The following TRDN variants were observed in gnomAD, a reference collection of about 807,000 sequenced individuals.
The protein encoded by TRDN is triadin.
In TRDN, 161 loss-of-function variants were observed where a neutral mutation model predicts 149.7. The ratio of observed to expected loss-of-function variants is 1.08; its 90% CI spans 0.95 to 1.23. The LOEUF (loss-of-function observed/expected upper bound fraction) is 1.23. Ranked by LOEUF, TRDN falls within the 50% of genes most tolerant of loss-of-function variation. TRDN has a pLI of 0.00. For synonymous variants in TRDN, 294 were observed against 250.5 expected (o/e 1.17, Z -1.64); for missense variants, 896 against 823.5 (o/e 1.09, Z -1.08).
At chr6:123,311,279 A>G (rs1327652474) in intron 24 of TRDN, among the ~76,000 whole-genome samples, 1 of 151,912 alleles carries the variant, frequency 6.6e-6, no homozygotes, top group Non-Finnish European at 1.5e-5. Flanking sequence ...AGAACTTACT[A>G]TCATGAGAAT....
intron 1 of TRDN, among the ~76,000 whole-genome samples, chr6:123,620,950 C>T (rs766072989): frequency 5.9e-5 from 9 of 152,096 alleles, no homozygotes; most frequent in Admixed American, 1.3e-4. Flanking sequence ...CTCACCAGTG[C>T]CCAGGACAGC....
Position 123,533,213 on chromosome 6 carries a change from C to A in TRDN, c.425-2648G>T, listed in dbSNP as rs937986043. Among the ~76,000 whole-genome samples the A allele has an allele frequency of 2.6e-5, 4 of 151,988 alleles. No homozygotes were observed. In the South Asian group the frequency reaches 8.3e-4, roughly 32 times the overall value. ...CTACATTCACCATGTAATGGGGAGG[C>A]CTTAAAATTGTCATTTAGAATAATA... On this transcript the variant is annotated intron_variant, in intron 4 of 40. Transcript: ENST00000334268.
At chr6:123,371,226 T>G (rs1417540904) in intron 19 of TRDN, among the ~76,000 whole-genome samples, 1 of 152,138 alleles carries the variant, frequency 6.6e-6, no homozygotes, top group South Asian at 2.1e-4. Context: ...GGAACTGATA[T>G]TTTAGAACTG....
At chr6:123,465,843 C>T (rs1252365409) in intron 9 of TRDN, among the ~76,000 whole-genome samples, 1 of 152,170 alleles carries the variant, frequency 6.6e-6, no homozygotes, top group Non-Finnish European at 1.5e-5. Flanking sequence ...CTTCTAAAAT[C>T]TCACTGACAA....
chr6:123,521,619 G>C (rs970291450), intron 5 of TRDN, among the ~76,000 whole-genome samples: 7 of 152,046 alleles, frequency 4.6e-5, no homozygotes, highest in African/African-American at 1.7e-4. Flanking sequence ...GTAATATTAA[G>C]GCTAATGTTA....
chr6:123,524,032 C>T (rs1779818178), intron 5 of TRDN, among the ~76,000 whole-genome samples: 1 of 152,110 alleles, frequency 6.6e-6, no homozygotes, highest in South Asian at 2.1e-4. Flanking sequence ...AGGCCCAAAC[C>T]CTGGCATTAC....
At chr6:123,223,293 G>A (rs936609171) in intron 39 of TRDN, among the ~76,000 whole-genome samples, 1 of 151,746 alleles carries the variant, frequency 6.6e-6, no homozygotes, top group African/African-American at 2.4e-5. Flanking sequence ...CCCAACGGTT[G>A]AGAGTGGAAG....
intron 38 of TRDN, among the ~76,000 whole-genome samples, chr6:123,232,087 G>T (rs1321665049): frequency 6.6e-6 from 1 of 151,808 alleles, no homozygotes; most frequent in African/African-American, 2.4e-5. Context: ...AGATAATGTA[G>T]AAAACAAAAC....
chr6:123,219,657 C>A (rs1775075171), intron 40 of TRDN, among the ~76,000 whole-genome samples: 1 of 151,786 alleles, frequency 6.6e-6, no homozygotes, highest in African/African-American at 2.4e-5. Context: ...CCATGGGTCA[C>A]TGGGTTTTCA....
chr6:123,410,199 C>T (rs1773376052), intron 12 of TRDN, among the ~76,000 whole-genome samples: 1 of 152,146 alleles, frequency 6.6e-6, no homozygotes, highest in Non-Finnish European at 1.5e-5. Context: ...AAGGAGGATA[C>T]AGTACTGCTC....
At chr6:123,441,774 G>T (rs978650370) in intron 10 of TRDN, among the ~76,000 whole-genome samples, 1 of 152,062 alleles carries the variant, frequency 6.6e-6, no homozygotes, top group East Asian at 1.9e-4. Context: ...CTGTTTCCAC[G>T]AGGAAACAAA....
chr6:123,252,197 A>C (rs1488410627), intron 38 of TRDN, among the ~76,000 whole-genome samples: 1 of 152,066 alleles, frequency 6.6e-6, no homozygotes, highest in Non-Finnish European at 1.5e-5. Context: ...GAAAATAATA[A>C]GATATTTCTG....
intron 19 of TRDN, among the ~76,000 whole-genome samples, chr6:123,367,716 C>A (rs187083640): frequency 1.3e-3 from 195 of 152,270 alleles, no homozygotes; most frequent in African/African-American, 4.2e-3. Flanking sequence ...AGATGCTGAG[C>A]GCAAAAGGTC....
intron 1 of TRDN, among the ~76,000 whole-genome samples, chr6:123,583,309 G>T (rs1341913044): frequency 1.3e-5 from 2 of 151,908 alleles, no homozygotes; most frequent in Non-Finnish European, 2.9e-5. Context: ...CAAGTTTTTG[G>T]GGGGCACAGT....
intron 12 of TRDN, among the ~76,000 whole-genome samples, chr6:123,436,211 G>A (rs1379695859): frequency 6.6e-6 from 1 of 152,072 alleles, no homozygotes; most frequent in Non-Finnish European, 1.5e-5. Context: ...CAAATCCACT[G>A]CTCTAAGCAA....
chr6:123,275,607 A>T (rs1582811062), intron 26 of TRDN, among the ~76,000 whole-genome samples: 1 of 152,298 alleles, frequency 6.6e-6, no homozygotes, highest in South Asian at 2.1e-4. Context: ...TGGTTTAGGA[A>T]CATAGGTGCT....
At chr6:123,312,457 T>A (rs1373773243) in intron 24 of TRDN, among the ~76,000 whole-genome samples, 1 of 151,952 alleles carries the variant, frequency 6.6e-6, no homozygotes, top group Non-Finnish European at 1.5e-5. Flanking sequence ...AAATAATATT[T>A]TCTGTTCTCT....
intron 25 of TRDN, among the ~76,000 whole-genome samples, 163 bp from the exon 26 acceptor site, chr6:123,278,510 GA>G (rs1475028576): frequency 1.3e-5 from 2 of 152,072 alleles, no homozygotes; most frequent in Non-Finnish European, 2.9e-5. Flanking sequence ...ATATTCTTAT[GA>G]TTGTGGCAAA....
intron 4 of TRDN, among the ~76,000 whole-genome samples, chr6:123,540,904 C>G (rs4413626): frequency 0.52 from 79,517 of 151,714 alleles, 21,776 homozygotes; most frequent in African/African-American, 0.62. Context: ...CATTGGTAAG[C>G]TTTCTGTTAT....
Sources: allele counts gnomAD v4.1 joint callset (sites outside exome capture counted in the v4.1 genomes callset), GRCh38; gene constraint gnomAD v4.1.1; transcripts MANE v1.5; gene names NCBI Gene and HGNC (gene_info 2026-07-23, HGNC 2026-07-21).